Variants in DYRK1A observed in about 807,000 individuals in gnomAD.
DYRK1A encodes dual specificity tyrosine phosphorylation regulated kinase 1A, also known as dual specificity tyrosine-phosphorylation-regulated kinase 1A.
DYRK1A carries 9 observed loss-of-function variants against 79.7 expected under a neutral mutation model. The ratio of observed to expected loss-of-function variants is 0.11; its 90% confidence interval spans 0.07 to 0.20. The LOEUF is 0.20. Among genes scored for constraint, DYRK1A ranks in the 10% least tolerant of loss-of-function variants. DYRK1A has a pLI of 1.00. For synonymous variants in DYRK1A, 349 were observed against 329.7 expected (o/e 1.06, Z -0.63); for missense variants, 622 against 956.0 (o/e 0.65, Z 4.61).
intron 2 of DYRK1A, among the ~76,000 whole-genome samples, chr21:37,430,643 G>A (rs1026450902): frequency 9.8e-5 from 15 of 152,292 alleles, no homozygotes; most frequent in Admixed American, 5.9e-4. Context: ...TTTATTTAGC[G>A]AGTGTGAGCC....
chr21:37,450,935 C>T (rs576913954), intron 2 of DYRK1A, among the ~76,000 whole-genome samples: 28 of 152,208 alleles, frequency 1.8e-4, no homozygotes, highest in Admixed American at 1.4e-3. Flanking sequence ...ACTGCATATA[C>T]GACAGTATTC....
chr21:37,390,611 C>T (rs2049852172), intron 1 of DYRK1A, among the ~76,000 whole-genome samples: 1 of 152,254 alleles, frequency 6.6e-6, no homozygotes, highest in African/African-American at 2.4e-5. Context: ...CTCTGTCACT[C>T]AGGCTGGAGT....
intron 2 of DYRK1A, among the ~76,000 whole-genome samples, chr21:37,465,063 G>T (rs2051978285): frequency 6.6e-6 from 1 of 152,204 alleles, no homozygotes; most frequent in African/African-American, 2.4e-5. Flanking sequence ...GTTAAGAAAG[G>T]AGACAATGAG....
intron 1 of DYRK1A, among the ~76,000 whole-genome samples, chr21:37,388,072 G>A (rs922362340): frequency 1.5e-5 from 2 of 137,352 alleles, no homozygotes; most frequent in Non-Finnish European, 3.2e-5. Flanking sequence ...ATAAATTTCT[G>A]TGTTTTTATC....
chr21:37,442,633 T>G (rs1053696134), intron 2 of DYRK1A, among the ~76,000 whole-genome samples: 3 of 152,064 alleles, frequency 2.0e-5, no homozygotes, highest in Non-Finnish European at 4.4e-5. Context: ...TTCCTATGTC[T>G]CTGTTTGCTA....
At chr21:37,450,693 A>T (rs994119971) in intron 2 of DYRK1A, among the ~76,000 whole-genome samples, 2 of 152,064 alleles carry the variant, frequency 1.3e-5, no homozygotes, top group South Asian at 2.1e-4. Flanking sequence ...CTGGGCAGAG[A>T]GTGTTGGAGT....
chr21:37,463,949 G>C (rs2051937875), intron 2 of DYRK1A, among the ~76,000 whole-genome samples: 1 of 151,922 alleles, frequency 6.6e-6, no homozygotes, highest in African/African-American at 2.4e-5. Context: ...CTTTAATATT[G>C]TTCTTTGATT....
At chr21:37,454,216 C>T (rs1463758964) in intron 2 of DYRK1A, among the ~76,000 whole-genome samples, 3 of 150,856 alleles carry the variant, frequency 2.0e-5, no homozygotes, top group African/African-American at 7.3e-5. Flanking sequence ...CCTCAGCCTG[C>T]CAAATAGCTG....
intron 11 of DYRK1A, among the ~76,000 whole-genome samples, chr21:37,506,505 A>C (rs527750368): frequency 6.6e-6 from 1 of 152,254 alleles, no homozygotes; most frequent in African/African-American, 2.4e-5. Context: ...TTTGAGCCTC[A>C]TGCTTTTTTG....
intron 9 of DYRK1A, among the ~76,000 whole-genome samples, chr21:37,497,845 C>T (rs1324968485): frequency 6.6e-6 from 1 of 152,130 alleles, no homozygotes; most frequent in African/African-American, 2.4e-5. Context: ...TCTTAACATA[C>T]ATTTAATACA....
At chr21:37,430,419 G>A in intron 2 of DYRK1A, 4 of 985,046 alleles carry the variant, frequency 4.1e-6, no homozygotes, top group Non-Finnish European at 4.8e-6. Context: ...CATTTTAAAA[G>A]ATGATTTAAT....
chr21:37,377,162 A>G (rs895703954), intron 1 of DYRK1A, among the ~76,000 whole-genome samples: 1 of 152,132 alleles, frequency 6.6e-6, no homozygotes, highest in Non-Finnish European at 1.5e-5. Flanking sequence ...CTCTTTCCCC[A>G]AGGCTGGAGT....
At chr21:37,470,818 G>T (rs2148551676) in intron 2 of DYRK1A, among the ~76,000 whole-genome samples, 1 of 152,308 alleles carries the variant, frequency 6.6e-6, no homozygotes, top group South Asian at 2.1e-4. Flanking sequence ...TAAGTTTGTA[G>T]AAGTTCTTTT....
chr21:37,389,701 C>A (rs575930645), intron 1 of DYRK1A, among the ~76,000 whole-genome samples: 2 of 151,260 alleles, frequency 1.3e-5, no homozygotes, highest in South Asian at 4.2e-4. Context: ...GAGCTCTTTG[C>A]GAGGGTGAGG....
intron 2 of DYRK1A, among the ~76,000 whole-genome samples, chr21:37,423,320 C>T (rs1002886690): frequency 1.3e-5 from 2 of 152,100 alleles, no homozygotes; most frequent in Non-Finnish European, 2.9e-5. Context: ...CCTCCTCCTC[C>T]CCCATTCAGT....
Position 37,408,517 on chromosome 21 carries a change from A to G in DYRK1A, c.-76-11782A>G, listed in dbSNP as rs115446769. Among the ~76,000 whole-genome samples the G allele has an allele frequency of 9.1e-3, 1,383 of 152,332 alleles. 19 individuals are homozygous for G. The highest frequency in any genetic ancestry group is 0.032 in the African/African-American group (1,327 of 41,580). On this transcript the variant is annotated intron_variant, in intron 1 of 11. Transcript: ENST00000647188. ...CTTAGTATTTAAAAGGAAATAAACC[A>G]GAGTCATTCCCAAGATTTATCTGAT...
intron 1 of DYRK1A, among the ~76,000 whole-genome samples, chr21:37,406,937 A>ATTT (rs34373101): frequency 1.4e-5 from 2 of 138,390 alleles, no homozygotes; most frequent in Non-Finnish European, 3.1e-5. Context: ...AATTCTTTTG[A>ATTT]TTTTTTTTTT....
chr21:37,490,176 G>A lies in DYRK1A; in HGVS notation c.639G>A (p.Val213=), dbSNP rs143605282. The A allele has an allele frequency of 6.2e-7, 1 of 1,610,786 alleles. No homozygotes were observed. The highest frequency in any genetic ancestry group is 8.5e-7 in the Non-Finnish European group (1 of 1,177,952). ...KHDTEMKYYI[V]HLKRHFMFRN... ...AAATGAAACTGTTTTCTCTTTCAGT[G>A]CATTTGAAACGCCACTTTATGTTTC... The change falls in exon 7 of 12, where the codon GTG becomes GTA. Residue 213 remains valine (V), a splice_region_variant and synonymous_variant. Coordinates refer to ENST00000647188, the MANE Select transcript of DYRK1A (RefSeq NM_001347721.2).
intron 1 of DYRK1A, among the ~76,000 whole-genome samples, chr21:37,390,803 C>T (rs1443074882): frequency 6.6e-6 from 1 of 152,214 alleles, no homozygotes; most frequent in African/African-American, 2.4e-5. Context: ...CTCCTGAGCT[C>T]AGGCAGTCCG....
Sources: gnomAD v4.1 joint callset for allele counts (sites outside exome capture counted in the v4.1 genomes callset) on GRCh38, gnomAD v4.1.1 for gene constraint, MANE v1.5 for transcripts, NCBI Gene and HGNC (gene_info 2026-07-23, HGNC 2026-07-21) for gene names.